Variants in ABHD3 observed in about 807,000 individuals in gnomAD.
ABHD3 encodes the protein phospholipase ABHD3.
In ABHD3, 46 loss-of-function variants were observed where a neutral mutation model predicts 48.8. The ratio of observed to expected loss-of-function variants is 0.94; its 90% CI spans 0.74 to 1.20. The LOEUF (loss-of-function observed/expected upper bound fraction) is 1.20. Ranked by LOEUF, ABHD3 falls within the 50% of genes most tolerant of loss-of-function variation. The pLI, the probability that ABHD3 is intolerant of heterozygous loss-of-function variation, is 0.00. For missense variants in ABHD3, 490 were observed against 497.8 expected, an observed-to-expected ratio of 0.98 and a Z score of 0.15; for synonymous variants, 192 against 183.7, an observed-to-expected ratio of 1.04 and a Z score of -0.36.
chr18:21,703,844 T>C (rs2146344830), intron 1 of ABHD3, 97 bp from the exon 2 acceptor site: 1 of 1,357,786 alleles, frequency 7.4e-7, no homozygotes, highest in Non-Finnish European at 1.0e-6. Context: ...CGCGCGCGCT[T>C]CCTCCGATTA....
In ABHD3 at chr18:21,668,382, T is replaced by C. The variant is rs201639743; in HGVS notation, c.556-4152A>G. Among the ~76,000 whole-genome samples, 26 of 152,188 alleles carry C rather than the reference T, an allele frequency of 1.7e-4. No homozygotes were observed. In the East Asian group the frequency reaches 1.9e-3, roughly 11 times the overall value. ...TTAAAATTTCTGAATTATTTATGAA[T>C]AGTCCCCAATATATATTCTTATTAT... On this transcript the variant is annotated intron_variant, in intron 4 of 8. Coordinates refer to ENST00000289119, the MANE Select transcript of ABHD3 (RefSeq NM_138340.5).
At position 21,659,323 on chromosome 18, in the gene ABHD3, A is replaced by G. The variant is rs1232986001; in HGVS notation, c.689T>C (p.Leu230Ser). Residue 230 changes from leucine (L) to serine (S), a missense_variant, in exon 6 of 9, where the codon TTG becomes TCG. Transcript: ENST00000289119. ...SMGGMLLLNY[L>S]GKIGSKTPLM... Reference sequence around the variant, plus strand: ...AGGCGTTTTGGACCCAATTTTGCCCAAGTAATTTAGAAGCAGCATTCTAAA... The same window carrying G: ...AGGCGTTTTGGACCCAATTTTGCCCGAGTAATTTAGAAGCAGCATTCTAAA... 1.8e-5 allele frequency: 29 copies of G among 1,609,676 alleles called. No individual in the cohort carries two copies. In the African/African-American group the frequency reaches 2.1e-4, roughly 12 times the overall value.
In ABHD3 at chr18:21,673,913, G is replaced by A. The variant is rs180981539; in HGVS notation, c.556-9683C>T. ...AGCCATCACACCTGGCCAGGGATCA[G>A]TATTTTTCAATGCTTCCCAGGGGAC... On this transcript the variant is annotated intron_variant, in intron 4 of 8. Transcript: ENST00000289119. Among the ~76,000 whole-genome samples the A allele has an allele frequency of 2.0e-5, 3 of 152,202 alleles. No individual in the cohort carries two copies. In the East Asian group the frequency reaches 5.8e-4, roughly 29 times the overall value.
intron 5 of ABHD3, 154 bp downstream of exon 5, chr18:21,663,964 G>T (rs539221010): frequency 1.4e-6 from 2 of 1,425,366 alleles, no homozygotes; most frequent in Non-Finnish European, 1.8e-6. Flanking sequence ...TCCTTCCTTC[G>T]TTCATTCAAT....
At chr18:21,685,017 CAA>C (rs1318647673) in intron 3 of ABHD3, among the ~76,000 whole-genome samples, 3 of 152,170 alleles carry the variant, frequency 2.0e-5, no homozygotes, top group Non-Finnish European at 4.4e-5. Context: ...GTGCTGGTTT[CAA>C]AAGTTATTCA....
chr18:21,660,434 A>G (rs189432426), intron 5 of ABHD3, among the ~76,000 whole-genome samples: 5 of 151,990 alleles, frequency 3.3e-5, no homozygotes, highest in Admixed American at 1.3e-4. Flanking sequence ...CCTAACACAT[A>G]TTTTCTTCTG....
At chr18:21,689,061 A>G (rs1213399537) in intron 3 of ABHD3, among the ~76,000 whole-genome samples, 1 of 152,216 alleles carries the variant, frequency 6.6e-6, no homozygotes, top group Non-Finnish European at 1.5e-5. Context: ...ATAACTATAC[A>G]TTCTTGAAAA....
intron 3 of ABHD3, among the ~76,000 whole-genome samples, chr18:21,693,818 C>A (rs2040307002): frequency 6.6e-6 from 1 of 152,160 alleles, no homozygotes; most frequent in Admixed American, 6.5e-5. Context: ...AAAAAATATT[C>A]TGGTGTTAAT....
chr18:21,652,379 A>C (rs1467117473), intron 8 of ABHD3, among the ~76,000 whole-genome samples: 1 of 152,110 alleles, frequency 6.6e-6, no homozygotes, highest in East Asian at 1.9e-4. Flanking sequence ...ACAAGAAGAA[A>C]GCAAAGAAAA....
At chr18:21,671,007 C>G (rs561366692) in intron 4 of ABHD3, among the ~76,000 whole-genome samples, 1 of 152,226 alleles carries the variant, frequency 6.6e-6, no homozygotes, top group East Asian at 1.9e-4. Context: ...GAGTTAGACC[C>G]TGTCTCAAAA....
At chr18:21,677,009 A>G (rs2039897708) in intron 4 of ABHD3, among the ~76,000 whole-genome samples, 1 of 152,174 alleles carries the variant, frequency 6.6e-6, no homozygotes, top group East Asian at 1.9e-4. Flanking sequence ...TATCACACCA[A>G]AAAGAAACCT....
At chr18:21,679,075 T>TA (rs1310146303) in intron 4 of ABHD3, among the ~76,000 whole-genome samples, 1 of 152,226 alleles carries the variant, frequency 6.6e-6, no homozygotes, top group African/African-American at 2.4e-5. Flanking sequence ...TAATTTCTGT[T>TA]AGAGACAGTT....
intron 4 of ABHD3, among the ~76,000 whole-genome samples, chr18:21,667,327 C>A (rs1454529949): frequency 6.7e-6 from 1 of 149,348 alleles, no homozygotes; most frequent in Non-Finnish European, 1.5e-5. Context: ...TCACCGCAAC[C>A]TCCGCCTCCC....
intron 4 of ABHD3, among the ~76,000 whole-genome samples, chr18:21,678,804 T>A (rs142861417): frequency 0.011 from 1,648 of 152,208 alleles, 8 homozygotes; most frequent in Middle Eastern, 0.027. Flanking sequence ...GGACTGTCTG[T>A]CTCCTGCAGG....
intron 4 of ABHD3, among the ~76,000 whole-genome samples, chr18:21,669,066 AAAC>A (rs535111311): frequency 1.5e-3 from 230 of 152,170 alleles, no homozygotes; most frequent in Non-Finnish European, 2.5e-3. Context: ...CTAAATTAAA[AAAC>A]AACAACAACA....
At chr18:21,669,841 TC>T (rs1333524904) in intron 4 of ABHD3, among the ~76,000 whole-genome samples, 1 of 152,074 alleles carries the variant, frequency 6.6e-6, no homozygotes, top group Non-Finnish European at 1.5e-5. Flanking sequence ...GAAACTCCTC[TC>T]GAGTACAGGG....
In ABHD3 at chr18:21,694,873, C is replaced by T. The variant is rs188608331; in HGVS notation, c.509+7443G>A. Reference sequence around the variant, plus strand: ...CTACTCCTTCCCTCCATAAAATGACCCTTTTGGCTCTTCTGATATTTCTGA... The same window carrying T: ...CTACTCCTTCCCTCCATAAAATGACTCTTTTGGCTCTTCTGATATTTCTGA... On this transcript the variant is annotated intron_variant, in intron 3 of 8. Transcript: ENST00000289119. Among the ~76,000 whole-genome samples, 363 of 152,208 alleles carry T rather than the reference C, an allele frequency of 2.4e-3. 2 individuals carry two copies. The highest frequency in any genetic ancestry group is 8.4e-3 in the African/African-American group (347 of 41,546).
chr18:21,702,379 G>A lies in ABHD3; in HGVS notation c.446C>T (p.Thr149Met), dbSNP rs148194972. Residue 149 changes from threonine to methionine, a missense_variant, in exon 3 of 9, where the codon ACG (threonine) becomes ATG (methionine). Transcript: ENST00000289119. Reference sequence around the variant, plus strand: ...GATATATGACTCCTTGCTTGTTCCCGTGAGGCCAGGCAACAATAAGATAGT... The same window carrying A: ...GATATATGACTCCTTGCTTGTTCCCATGAGGCCAGGCAACAATAAGATAGT... ...RPTILLLPGLTGTSKESYILH... is the reference protein window; with the variant it reads ...RPTILLLPGLMGTSKESYILH... The A allele has an allele frequency of 3.1e-6, 5 of 1,613,632 alleles. No homozygotes were observed. The highest frequency in any genetic ancestry group is 2.7e-5 in the African/African-American group (2 of 74,896).
rs373604239 is a variant in ABHD3, at chr18:21,704,572, C to G, written c.94G>C (p.Val32Leu). 1.3e-6 allele frequency: 2 copies of G among 1,543,612 alleles called. No homozygotes were observed. Among genetic ancestry groups the G allele is most frequent in the Non-Finnish European group, 8.7e-7 (1 of 1,147,836 alleles). Residue 32 changes from valine (V) to leucine (L), a missense_variant, in exon 1 of 9, where the codon GTG becomes CTG. By Grantham distance (32) the Val-to-Leu change is conservative. Coordinates refer to ENST00000289119, the MANE Select transcript of ABHD3 (RefSeq NM_138340.5). Reference sequence around the variant, plus strand: ...AAGCCCAGGATAAGGGATAAGCCCACCCCCGAGCCGAAGAACCCCACCCGG... The same window carrying G: ...AAGCCCAGGATAAGGGATAAGCCCAGCCCCGAGCCGAAGAACCCCACCCGG... ...QVRVGFFGSG[V>L]GLSLILGFSV... is the part of the protein sequence containing the mutation.
Sources: allele counts gnomAD v4.1 joint callset (sites outside exome capture counted in the v4.1 genomes callset), GRCh38; gene constraint gnomAD v4.1.1; transcripts MANE v1.5; gene names NCBI Gene and HGNC (gene_info 2026-07-23, HGNC 2026-07-21).